P2RY11: variants seen among roughly 807,000 people sequenced by gnomAD.
The protein encoded by P2RY11 is purinergic receptor P2Y11, also known as P2Y purinoceptor 11.
A neutral mutation model predicts 2.4 loss-of-function variants in P2RY11; 3 were observed. The ratio of observed to expected loss-of-function variants is 1.22; its 90% confidence interval spans 0.56 to 3.17. The LOEUF is 3.17. Among genes scored for constraint, P2RY11 ranks in the 30% most tolerant of loss-of-function variants. P2RY11 has a pLI of 0.03. For missense variants in P2RY11, 670 were observed against 528.2 expected (o/e 1.27, Z -2.63); for synonymous variants, 307 against 237.3 (o/e 1.29, Z -2.70).
At chr19:10,113,217 T>C (rs1299481128) in intron 1 of P2RY11, among the ~76,000 whole-genome samples, 1 of 152,012 alleles carries the variant, frequency 6.6e-6, no homozygotes, top group Non-Finnish European at 1.5e-5. Flanking sequence ...GAAGAGGCTT[T>C]GGGCGGCGGC....
intron 1 of P2RY11, among the ~76,000 whole-genome samples, 186 bp downstream of exon 1, chr19:10,111,926 A>C (rs542510455): frequency 2.0e-5 from 3 of 152,236 alleles, no homozygotes; most frequent in Admixed American, 6.5e-5. Flanking sequence ...CCTGACCAAC[A>C]AGGAGAAACC....
In P2RY11 at chr19:10,114,669, A is replaced by G. The variant is rs2089204254; in HGVS notation, c.1056A>G (p.Gln352=). 6.2e-7 allele frequency: 1 copy of G among 1,613,884 alleles called. No homozygotes were observed. Among genetic ancestry groups the G allele is most frequent in the East Asian group, 2.2e-5 (1 of 44,868 alleles). ...WNPEDAKSTG[Q]ALPLNATAAP... ...CAGAGGACGCCAAGAGCACTGGCCA[A>G]GCCCTGCCCCTCAATGCCACAGCCG... Residue 352 remains glutamine (Q), a synonymous_variant, in exon 2 of 2, where the codon CAA becomes CAG. Transcript: ENST00000321826.
chr19:10,114,666 C>G lies in P2RY11; in HGVS notation c.1053C>G (p.Gly351=), dbSNP rs528606510. Residue 351 remains glycine, a synonymous_variant, in exon 2 of 2, where the codon GGC becomes GGG. Transcript: ENST00000321826. Reference sequence around the variant, plus strand: ...ACCCAGAGGACGCCAAGAGCACTGGCCAAGCCCTGCCCCTCAATGCCACAG... The same window carrying G: ...ACCCAGAGGACGCCAAGAGCACTGGGCAAGCCCTGCCCCTCAATGCCACAG... ...SWNPEDAKST[G]QALPLNATAA... is the part of the protein sequence containing the mutation. 6.2e-7 allele frequency: 1 copy of G among 1,613,952 alleles called. No individual in the cohort carries two copies. The highest frequency in any genetic ancestry group is 1.1e-5 in the South Asian group (1 of 91,074).
At position 10,114,264 on chromosome 19, in the gene P2RY11, G is replaced by A. The variant is rs747270991; in HGVS notation, c.651G>A (p.Pro217=). ...TGGCGGGGTTGGGCTGCGGCCTGCC[G>A]CTGCTGCTCACGCTGGCAGCCTACG... is the stretch of plus-strand genomic sequence containing the variant. ...LVLAGLGCGL[P]LLLTLAAYGA... is the part of the protein sequence containing the mutation. Residue 217 remains proline (P), a synonymous_variant, in exon 2 of 2, where the codon CCG becomes CCA. Transcript: ENST00000321826. 1.9e-5 allele frequency: 31 copies of A among 1,598,372 alleles called. No homozygotes were observed. Among genetic ancestry groups the A allele is most frequent in the Middle Eastern group, 1.6e-4 (1 of 6,072 alleles).
chr19:10,112,366 C>T (rs1036988703), intron 1 of P2RY11: 3 of 153,150 alleles, frequency 2.0e-5, no homozygotes, highest in Non-Finnish European at 4.4e-5. Context: ...TGTCCCCAGC[C>T]TGCAGAGGCA....
chr19:10,113,689 T>TGTAGATC lies in P2RY11; in HGVS notation c.76_77insGTAGATC (p.Phe26CysfsTer15). On this transcript the variant is annotated frameshift_variant, in exon 2 of 2. Coordinates refer to ENST00000321826, the MANE Select transcript of P2RY11 (RefSeq NM_002566.5). LOFTEE classifies it low-confidence loss of function (END_TRUNC). ...AGCTGCCGACGACAAACTCAGTGGG[T>TGTAGATC]TCCAGGGGGACTTCCTGTGGCCCAT... 14 of 1,591,734 alleles carry TGTAGATC rather than the reference T, an allele frequency of 8.8e-6. No homozygotes were observed. The highest frequency in any genetic ancestry group is 5.1e-5 in the Admixed American group (3 of 58,254).
At position 10,114,262 on chromosome 19, in the gene P2RY11, CCGCTGCTGCTCA is replaced by C. The variant is rs2089191468; in HGVS notation, c.655_666del (p.Leu219_Leu222del). ...GCTGGCGGGGTTGGGCTGCGGCCTG[CCGCTGCTGCTCA>C]CGCTGGCAGCCTACGGCGCCCTCGG... On this transcript the variant is annotated inframe_deletion, in exon 2 of 2. Coordinates refer to ENST00000321826, the MANE Select transcript of P2RY11 (RefSeq NM_002566.5). 1 of 1,598,410 alleles carries C rather than the reference CCGCTGCTGCTCA, an allele frequency of 6.3e-7. No individual in the cohort carries two copies. The highest frequency in any genetic ancestry group is 1.3e-5 in the African/African-American group (1 of 74,888).
chr19:10,113,802 C>A lies in P2RY11; in HGVS notation c.189C>A (p.Pro63=). The change falls in exon 2 of 2, where the codon CCC becomes CCA. Residue 63 remains proline (P), a synonymous_variant. Transcript: ENST00000321826. ...TCCGGAAGCAGCGCCCATGGCACCC[C>A]GCCGTGGTCTTCTCTGTCCAGCTGG... The part of the protein sequence containing the change: ...FSIRKQRPWH[P]AVVFSVQLAV... 1 of 1,614,036 alleles carries A rather than the reference C, an allele frequency of 6.2e-7. No homozygotes were observed.
chr19:10,114,813 A>G lies in P2RY11; in HGVS notation c.*75A>G, dbSNP rs555412146. 2.4e-5 allele frequency: 36 copies of G among 1,526,706 alleles called. No individual in the cohort carries two copies. In the South Asian group the frequency reaches 4.3e-4, roughly 18 times the overall value. The allele number at this position is 1,526,706 out of a possible 1,614,324, so 94.6% of individuals were successfully genotyped here. ...CTGAGGGCAGGGCCCGAGCCCCGAC[A>G]CATCCCTTCCCCCAAAAAGCAACAC... On this transcript the variant is annotated 3_prime_UTR_variant, in exon 2 of 2. Transcript: ENST00000321826.
chr19:10,112,942 CAAAA>C (rs917287374), intron 1 of P2RY11, among the ~76,000 whole-genome samples: 5 of 144,450 alleles, frequency 3.5e-5, no homozygotes, highest in African/African-American at 5.1e-5. Flanking sequence ...GACTCTGTCT[CAAAA>C]AAAAAAGTCT....
Position 10,115,156 on chromosome 19 carries a change from A to G in P2RY11, c.*418A>G, listed in dbSNP as rs2145224867. ...TGGGGTAGGGGAGGGTGGCAGGTAT[A>G]AGACTTCTGGGGGCACCCCAAGACC... On this transcript the variant is annotated 3_prime_UTR_variant, in exon 2 of 2. Coordinates refer to ENST00000321826, the MANE Select transcript of P2RY11 (RefSeq NM_002566.5). 1 of 1,613,214 alleles carries G rather than the reference A, an allele frequency of 6.2e-7. No homozygotes were observed. The highest frequency in any genetic ancestry group is 8.5e-7 in the Non-Finnish European group (1 of 1,179,792).
Position 10,114,580 on chromosome 19 carries a change from G to T in P2RY11, c.967G>T (p.Ala323Ser). The stretch of plus-strand genomic sequence containing the variant: ...CTGTGTCCACCCTCTACTCTACATG[G>T]CCGCAGTGCCCAGCCTGGGCTGCTG... ...AFCVHPLLYM[A>S]AVPSLGCCCR... The change falls in exon 2 of 2, where the codon GCC becomes TCC. Residue 323 changes from alanine to serine, a missense_variant. Physicochemically the swap from Ala to Ser is moderately conservative, Grantham distance 99 (BLOSUM62 1). Transcript: ENST00000321826. 6.2e-7 allele frequency: 1 copy of T among 1,613,758 alleles called. No individual in the cohort carries two copies. Among genetic ancestry groups the T allele is most frequent in the Non-Finnish European group, 8.5e-7 (1 of 1,179,960 alleles).
intron 1 of P2RY11, chr19:10,112,033 C>A: frequency 2.8e-6 from 1 of 353,532 alleles, no homozygotes. Flanking sequence ...TCACTTAAAC[C>A]CGGGAGGCGG....
chr19:10,113,619 C>A lies in P2RY11; in HGVS notation c.20-14C>A, dbSNP rs2145219277. The stretch of plus-strand genomic sequence containing the variant: ...GGGGAATAGGGCTCAGCTGGTGACA[C>A]CTTCTGCCCACAGGTGCCAAGTCCT... On this transcript the variant is annotated splice_polypyrimidine_tract_variant and intron_variant, in intron 1 of 1. Coordinates refer to ENST00000321826, the MANE Select transcript of P2RY11 (RefSeq NM_002566.5). 2 of 1,601,918 alleles carry A rather than the reference C, an allele frequency of 1.2e-6. No individual in the cohort carries two copies. Among genetic ancestry groups the A allele is most frequent in the Non-Finnish European group, 1.7e-6 (2 of 1,171,052 alleles).
At position 10,115,054 on chromosome 19, in the gene P2RY11, C is replaced by A. The variant is rs1804973; in HGVS notation, c.*316C>A. Reference sequence around the variant, plus strand: ...TGCTTTATTGCCCTTGGAGCCCGCGCTCTCGGAGGCTGTCTTCTGTCGCCA... The same window carrying A: ...TGCTTTATTGCCCTTGGAGCCCGCGATCTCGGAGGCTGTCTTCTGTCGCCA... On this transcript the variant is annotated 3_prime_UTR_variant, in exon 2 of 2. Transcript: ENST00000321826. The A allele has an allele frequency of 1.8e-4, 290 of 1,610,022 alleles. 12 individuals are homozygous for A. The South Asian group carries it at 3.1e-3, about 17-fold the overall frequency.
rs2089209596 is a variant in P2RY11 at position 10,114,832 on chromosome 19, G to GCAA, written c.*97_*99dup. 4.6e-6 allele frequency: 7 copies of GCAA among 1,511,196 alleles called. No homozygotes were observed. The highest frequency in any genetic ancestry group is 2.2e-5 in the Admixed American group (1 of 45,646). The allele number at this position is 1,511,196 out of a possible 1,614,324, so 93.6% of individuals were successfully genotyped here. A position where few individuals can be genotyped will look rare whatever the true frequency, so the allele number is the denominator to read the frequency against. On this transcript the variant is annotated 3_prime_UTR_variant, in exon 2 of 2. Transcript: ENST00000321826. ...CCCGACACATCCCTTCCCCCAAAAA[G>GCAA]CAACACCTGTGCTTGCAGCCAGGTC...
At position 10,115,069 on chromosome 19, in the gene P2RY11, TTC is replaced by T; in HGVS notation, c.*333_*334del. 3.1e-6 allele frequency: 5 copies of T among 1,613,472 alleles called. No individual in the cohort carries two copies. The highest frequency in any genetic ancestry group is 4.2e-6 in the Non-Finnish European group (5 of 1,179,854). On this transcript the variant is annotated 3_prime_UTR_variant, in exon 2 of 2. Transcript: ENST00000321826. Reference sequence around the variant, plus strand: ...GGAGCCCGCGCTCTCGGAGGCTGTCTTCTGTCGCCAAGGGTCCCGGACCGAGT... The same window carrying T: ...GGAGCCCGCGCTCTCGGAGGCTGTCTTGTCGCCAAGGGTCCCGGACCGAGT...
intron 1 of P2RY11, chr19:10,112,055 AGCCGAGATT>A (rs1367022556): frequency 3.2e-6 from 1 of 311,360 alleles, no homozygotes; most frequent in African/African-American, 2.2e-5. Flanking sequence ...GGTTGCCATG[AGCCGAGATT>A]GCACCATTGC....
In P2RY11 at chr19:10,114,801, C is replaced by T; in HGVS notation, c.*63C>T. On this transcript the variant is annotated 3_prime_UTR_variant, in exon 2 of 2. Coordinates refer to ENST00000321826, the MANE Select transcript of P2RY11 (RefSeq NM_002566.5). ...TGCTGGAGAACCCTGAGGGCAGGGC[C>T]CGAGCCCCGACACATCCCTTCCCCC... 1 of 1,537,974 alleles carries T rather than the reference C, an allele frequency of 6.5e-7. No individual in the cohort carries two copies. Among genetic ancestry groups the T allele is most frequent in the Non-Finnish European group, 8.7e-7 (1 of 1,143,812 alleles).
Sources: allele counts gnomAD v4.1 joint callset (sites outside exome capture counted in the v4.1 genomes callset), GRCh38; gene constraint gnomAD v4.1.1; transcripts MANE v1.5; gene names NCBI Gene and HGNC (gene_info 2026-07-23, HGNC 2026-07-21).